Variants in SLC22A15 observed in about 807,000 individuals in gnomAD.
SLC22A15 encodes the protein solute carrier family 22 member 15.
A neutral mutation model predicts 62.7 loss-of-function variants in SLC22A15; 45 were observed. The ratio of observed to expected loss-of-function variants is 0.72; its 90% CI spans 0.56 to 0.92. The LOEUF is 0.92. Ranked by LOEUF, SLC22A15 falls within the 40% of genes least tolerant of loss-of-function variation. SLC22A15 has a pLI of 0.00. For synonymous variants in SLC22A15, 264 were observed against 267.0 expected (o/e 0.99, Z 0.11); for missense variants, 622 against 665.6 (o/e 0.93, Z 0.72).
intron 8 of SLC22A15, among the ~76,000 whole-genome samples, chr1:116,045,327 G>A (rs1402153786): frequency 2.0e-5 from 3 of 152,010 alleles, no homozygotes; most frequent in Non-Finnish European, 2.9e-5. Flanking sequence ...GATTACAGGT[G>A]TGAGCCACCA....
intron 8 of SLC22A15, among the ~76,000 whole-genome samples, chr1:116,049,526 G>A (rs1392463243): frequency 6.6e-6 from 1 of 152,086 alleles, no homozygotes; most frequent in Non-Finnish European, 1.5e-5. Flanking sequence ...AATCAAGATG[G>A]AAATTAAAAA....
At chr1:116,062,477 G>T (rs1182472619) in intron 8 of SLC22A15, among the ~76,000 whole-genome samples, 1 of 152,162 alleles carries the variant, frequency 6.6e-6, no homozygotes, top group East Asian at 1.9e-4. Context: ...CTTACTTTAT[G>T]ACAGTACAGA....
intron 8 of SLC22A15, among the ~76,000 whole-genome samples, chr1:116,042,094 A>T (rs1657803526): frequency 2.9e-5 from 1 of 34,422 alleles, no homozygotes; most frequent in South Asian, 3.2e-3. Flanking sequence ...AAAAAATAAC[A>T]TTAACAAAAA....
intron 5 of SLC22A15, among the ~76,000 whole-genome samples, chr1:116,027,520 G>A (rs1302833864): frequency 6.6e-6 from 1 of 152,150 alleles, no homozygotes; most frequent in Non-Finnish European, 1.5e-5. Context: ...GCAGTGGCAG[G>A]ATGATTCCCT....
intron 2 of SLC22A15, among the ~76,000 whole-genome samples, chr1:115,993,455 G>GTC (rs1655256817): frequency 6.6e-6 from 1 of 150,800 alleles, no homozygotes; most frequent in African/African-American, 2.5e-5. Flanking sequence ...GTGTGTGTGT[G>GTC]TGTCTGTCTG....
At chr1:115,983,882 A>G (rs529934610) in intron 1 of SLC22A15, among the ~76,000 whole-genome samples, 1 of 152,298 alleles carries the variant, frequency 6.6e-6, no homozygotes, top group Admixed American at 6.5e-5. Context: ...CATAAAATGC[A>G]AAAACAGCTG....
At chr1:116,004,881 A>G (rs1269541422) in intron 2 of SLC22A15, among the ~76,000 whole-genome samples, 1 of 152,090 alleles carries the variant, frequency 6.6e-6, no homozygotes, top group Non-Finnish European at 1.5e-5. Flanking sequence ...TCTATTTTGT[A>G]TTGGATGAGT....
chr1:115,983,909 C>G (rs892737832), intron 1 of SLC22A15, among the ~76,000 whole-genome samples: 1 of 152,122 alleles, frequency 6.6e-6, no homozygotes, highest in African/African-American at 2.4e-5. Context: ...CACTTTCACC[C>G]CTCTCCCAAA....
chr1:115,992,268 TA>T, intron 2 of SLC22A15, 25 bp downstream of exon 2: 1 of 1,522,812 alleles, frequency 6.6e-7, no homozygotes, highest in African/African-American at 1.4e-5. Flanking sequence ...TTTCAATCAC[TA>T]AATAAATGTC....
At chr1:115,979,208 T>G (rs1205303950) in intron 1 of SLC22A15, among the ~76,000 whole-genome samples, 1 of 152,064 alleles carries the variant, frequency 6.6e-6, no homozygotes, top group Non-Finnish European at 1.5e-5. Flanking sequence ...TTCTAAAGGG[T>G]TTTTGGTTAA....
intron 2 of SLC22A15, among the ~76,000 whole-genome samples, chr1:115,993,195 C>A (rs1655239138): frequency 6.6e-6 from 1 of 152,128 alleles, no homozygotes; most frequent in Non-Finnish European, 1.5e-5. Flanking sequence ...GAAATACTCT[C>A]CTTTCCTTTG....
intron 1 of SLC22A15, among the ~76,000 whole-genome samples, chr1:115,983,136 T>G (rs1654694066): frequency 6.6e-6 from 1 of 152,260 alleles, no homozygotes; most frequent in African/African-American, 2.4e-5. Flanking sequence ...TTCCAAATAT[T>G]TCTGTTTTAA....
chr1:115,999,628 C>T (rs189228649), intron 2 of SLC22A15, among the ~76,000 whole-genome samples: 11 of 151,832 alleles, frequency 7.2e-5, no homozygotes, highest in South Asian at 2.1e-4. Context: ...CTCAGCCTCC[C>T]GAGTAGCTGG....
At chr1:116,034,759 T>C (rs1657570679) in intron 6 of SLC22A15, among the ~76,000 whole-genome samples, 1 of 152,216 alleles carries the variant, frequency 6.6e-6, no homozygotes, top group Non-Finnish European at 1.5e-5. Flanking sequence ...GGCCATCTTC[T>C]GTTGGCTTTC....
chr1:116,031,833 A>G (rs1267428925), intron 6 of SLC22A15: 1 of 1,335,062 alleles, frequency 7.5e-7, no homozygotes, highest in African/African-American at 1.5e-5. Flanking sequence ...TCAGAAGCAC[A>G]TCTTTGCTTT....
At chr1:116,059,186 A>G (rs919439302) in intron 8 of SLC22A15, among the ~76,000 whole-genome samples, 1 of 152,240 alleles carries the variant, frequency 6.6e-6, no homozygotes, top group African/African-American at 2.4e-5. Context: ...AGAGACCGCA[A>G]GTGTTGGTGA....
In SLC22A15 at chr1:116,018,735, A is replaced by AT. The variant is rs201850185; in HGVS notation, c.301-846dup. Among the ~76,000 whole-genome samples the AT allele has an allele frequency of 3.9e-5, 6 of 152,302 alleles. No individual in the cohort carries two copies. In the East Asian group the frequency reaches 1.2e-3, roughly 29 times the overall value. On this transcript the variant is annotated intron_variant, in intron 2 of 11. Transcript: ENST00000369503. ...AATAAGGGTAATTAGCATTTCTGTCATCTCAAATATTTATCATTTGTATTG... is the reference window on the plus strand; with the variant it reads ...AATAAGGGTAATTAGCATTTCTGTCATTCTCAAATATTTATCATTTGTATTG...
chr1:116,017,285 T>C (rs1656583800), intron 2 of SLC22A15, among the ~76,000 whole-genome samples: 1 of 148,536 alleles, frequency 6.7e-6, no homozygotes, highest in Non-Finnish European at 1.5e-5. Flanking sequence ...GCAAGAAGAT[T>C]GTTTGAGGCT....
At position 116,067,312 on chromosome 1, in the gene SLC22A15, A is replaced by G. The variant is rs1289940908; in HGVS notation, c.*204A>G. 2 of 539,518 alleles carry G rather than the reference A, an allele frequency of 3.7e-6. No individual in the cohort carries two copies. Among genetic ancestry groups the G allele is most frequent in the Non-Finnish European group, 3.3e-6 (1 of 304,408 alleles). 33.4% of individuals were successfully genotyped at this position (539,518 alleles called of 1,614,324 possible). The stretch of plus-strand genomic sequence containing the variant: ...AAGACAACATCACTGCATTGAGAGA[A>G]TAGTTGTTAATTTGTTTAGAATTTA... On this transcript the variant is annotated 3_prime_UTR_variant, in exon 12 of 12. Coordinates refer to ENST00000369503, the MANE Select transcript of SLC22A15 (RefSeq NM_018420.3).
Sources: gnomAD v4.1 joint callset for allele counts (sites outside exome capture counted in the v4.1 genomes callset) on GRCh38, gnomAD v4.1.1 for gene constraint, MANE v1.5 for transcripts, NCBI Gene and HGNC (gene_info 2026-07-23, HGNC 2026-07-21) for gene names.